RIT2: variants seen among roughly 807,000 people sequenced by gnomAD.
RIT2 encodes the protein GTP-binding protein Rit2.
Under a neutral mutation model 23.7 loss-of-function variants are expected in RIT2, and 24 were observed. The observed-to-expected ratio is 1.01, with a 90% CI of 0.73 to 1.43. RIT2 has a LOEUF of 1.43. RIT2 is among the 40% of genes most tolerant of loss of function. RIT2 has a pLI of 0.00. For missense variants in RIT2, 236 were observed against 266.9 expected (o/e 0.88, Z 0.81); for synonymous variants, 107 against 91.1 (o/e 1.17, Z -0.99).
chr18:42,849,373 T>C (rs1906989200), intron 4 of RIT2, among the ~76,000 whole-genome samples: 1 of 152,234 alleles, frequency 6.6e-6, no homozygotes, highest in African/African-American at 2.4e-5. Context: ...CTAAATTTAT[T>C]TTAGAGTCAG....
chr18:42,889,074 AT>A (rs200148550), intron 4 of RIT2, among the ~76,000 whole-genome samples: 3 of 151,692 alleles, frequency 2.0e-5, no homozygotes, highest in East Asian at 1.9e-4. Context: ...AATTTGTTGG[AT>A]TTTTTTTTAA....
intron 3 of RIT2, among the ~76,000 whole-genome samples, chr18:42,954,569 A>G (rs1220566666): frequency 6.6e-6 from 1 of 152,012 alleles, no homozygotes; most frequent in Non-Finnish European, 1.5e-5. Flanking sequence ...ACAGCCTCAC[A>G]AGCTCCATAT....
chr18:43,061,537 A>T (rs1912645181), intron 1 of RIT2, among the ~76,000 whole-genome samples: 1 of 152,112 alleles, frequency 6.6e-6, no homozygotes, highest in South Asian at 2.1e-4. Flanking sequence ...AAGTCTAAAA[A>T]CTGAACTGCC....
intron 2 of RIT2, among the ~76,000 whole-genome samples, chr18:43,006,705 T>C (rs1454763502): frequency 1.3e-5 from 2 of 151,370 alleles, no homozygotes; most frequent in Non-Finnish European, 3.0e-5. Flanking sequence ...TACAAATACA[T>C]GACATGCAAA....
chr18:43,016,040 T>C (rs1911467021), intron 2 of RIT2, among the ~76,000 whole-genome samples: 1 of 151,816 alleles, frequency 6.6e-6, no homozygotes, highest in South Asian at 2.1e-4. Flanking sequence ...TGCATGACTA[T>C]GTAAGGACAT....
chr18:42,917,904 A>G (rs914827833), intron 4 of RIT2, among the ~76,000 whole-genome samples: 1 of 152,102 alleles, frequency 6.6e-6, no homozygotes, highest in Admixed American at 6.6e-5. Context: ...GAGAAAATAC[A>G]GCTCTGATTC....
intron 4 of RIT2, among the ~76,000 whole-genome samples, chr18:42,758,802 C>A (rs774476104): frequency 1.3e-5 from 2 of 152,014 alleles, no homozygotes; most frequent in Non-Finnish European, 2.9e-5. Flanking sequence ...AGGCATGAGC[C>A]ACCATACCTG....
At chr18:42,830,279 GCAACCAT>G (rs918690191) in intron 4 of RIT2, among the ~76,000 whole-genome samples, 1 of 152,176 alleles carries the variant, frequency 6.6e-6, no homozygotes, top group Admixed American at 6.5e-5. Context: ...GGTTACAAAA[GCAACCAT>G]CAACCATCAA....
intron 1 of RIT2, among the ~76,000 whole-genome samples, chr18:43,058,933 G>C (rs1467722468): frequency 6.6e-6 from 1 of 151,930 alleles, no homozygotes; most frequent in Non-Finnish European, 1.5e-5. Flanking sequence ...TTGAACCCTT[G>C]AGCCTATTAC....
intron 3 of RIT2, among the ~76,000 whole-genome samples, chr18:42,961,734 T>G (rs888223157): frequency 3.3e-5 from 5 of 152,206 alleles, no homozygotes; most frequent in Non-Finnish European, 7.3e-5. Flanking sequence ...AGGCTACATT[T>G]TCTATGGTCT....
intron 4 of RIT2, among the ~76,000 whole-genome samples, chr18:42,751,629 C>G (rs1437586465): frequency 6.6e-6 from 1 of 151,820 alleles, no homozygotes; most frequent in Non-Finnish European, 1.5e-5. Context: ...TTAAATTGTG[C>G]CTACTCATTA....
intron 1 of RIT2, among the ~76,000 whole-genome samples, chr18:43,095,759 T>C (rs1278519310): frequency 1.3e-5 from 2 of 152,004 alleles, no homozygotes; most frequent in African/African-American, 4.8e-5. Context: ...ATTCTAAGTA[T>C]TAACTCAAAT....
At chr18:42,804,382 C>T (rs557286509) in intron 4 of RIT2, among the ~76,000 whole-genome samples, 15 of 151,358 alleles carry the variant, frequency 9.9e-5, no homozygotes, top group Non-Finnish European at 1.8e-4. Context: ...GGTGAAACCC[C>T]GTCTCTACTA....
intron 4 of RIT2, among the ~76,000 whole-genome samples, chr18:42,919,385 C>G (rs565943131): frequency 6.6e-6 from 1 of 152,164 alleles, no homozygotes; most frequent in African/African-American, 2.4e-5. Flanking sequence ...ACTGTTGGTA[C>G]CGAAAGGTTT....
intron 4 of RIT2, among the ~76,000 whole-genome samples, chr18:42,835,515 A>G (rs1000873391): frequency 2.6e-5 from 4 of 152,144 alleles, no homozygotes; most frequent in African/African-American, 9.6e-5. Flanking sequence ...TTCTCCTGCT[A>G]CTTGTTTATT....
intron 1 of RIT2, among the ~76,000 whole-genome samples, chr18:43,079,978 T>C (rs1271382224): frequency 6.6e-6 from 1 of 152,240 alleles, no homozygotes; most frequent in African/African-American, 2.4e-5. Context: ...CAGTTGCTAT[T>C]AAATACTGGT....
intron 2 of RIT2, among the ~76,000 whole-genome samples, chr18:42,997,009 C>T (rs1261677704): frequency 6.6e-6 from 1 of 152,110 alleles, no homozygotes; most frequent in Non-Finnish European, 1.5e-5. Context: ...TATTTATAGT[C>T]CCTGTGTCAC....
intron 2 of RIT2, among the ~76,000 whole-genome samples, chr18:42,988,373 T>C (rs1910764068): frequency 6.6e-6 from 1 of 152,242 alleles, no homozygotes; most frequent in Admixed American, 6.5e-5. Flanking sequence ...AATTTTCTTA[T>C]TTTTCTCTAG....
intron 4 of RIT2, among the ~76,000 whole-genome samples, chr18:42,855,907 T>A (rs1429524496): frequency 6.6e-6 from 1 of 151,890 alleles, no homozygotes; most frequent in Non-Finnish European, 1.5e-5. Context: ...AATTTTAGTA[T>A]TTTTTTTAAG....
Sources: allele counts gnomAD v4.1 joint callset (sites outside exome capture counted in the v4.1 genomes callset), GRCh38; gene constraint gnomAD v4.1.1; transcripts MANE v1.5; gene names NCBI Gene and HGNC (gene_info 2026-07-23, HGNC 2026-07-21).